Variants in ITCH observed in about 807,000 individuals in gnomAD.
ITCH encodes itchy E3 ubiquitin protein ligase.
ITCH carries 28 observed loss-of-function variants against 126.8 expected under a neutral mutation model. That is an observed-to-expected ratio of 0.22 (90% CI 0.16 to 0.30). The LOEUF is 0.30. Among genes scored for constraint, ITCH ranks in the 10% least tolerant of loss-of-function variants. The pLI is 1.00. For missense variants in ITCH, 631 were observed against 1,032.4 expected (o/e 0.61, Z 5.33); for synonymous variants, 342 against 340.0 (o/e 1.01, Z -0.06).
At chr20:34,385,222 G>GGT (rs1333441970) in intron 2 of ITCH, among the ~76,000 whole-genome samples, 37 of 85,134 alleles carry the variant, frequency 4.3e-4, no homozygotes, top group Middle Eastern at 8.8e-3. Context: ...TGTGTGTGTG[G>GGT]TTTTTTTTTT....
At chr20:34,454,785 A>T (rs547362442) in intron 12 of ITCH, among the ~76,000 whole-genome samples, 3 of 151,428 alleles carry the variant, frequency 2.0e-5, no homozygotes, top group Non-Finnish European at 4.4e-5. Flanking sequence ...TAATTTGAAA[A>T]ATAGTTACCA....
At chr20:34,396,147 C>T (rs559936236) in intron 3 of ITCH, among the ~76,000 whole-genome samples, 1 of 151,696 alleles carries the variant, frequency 6.6e-6, no homozygotes, top group African/African-American at 2.4e-5. Context: ...GATTCTCATG[C>T]CTCAGTCTTC....
intron 15 of ITCH, among the ~76,000 whole-genome samples, chr20:34,470,549 A>G (rs1436822992): frequency 2.6e-5 from 4 of 152,108 alleles, no homozygotes; most frequent in Non-Finnish European, 4.4e-5. Flanking sequence ...TTCAAATGTA[A>G]GTAAAAGCAT....
intron 7 of ITCH, 118 bp downstream of exon 7, chr20:34,424,643 G>C: frequency 1.2e-6 from 1 of 865,656 alleles, no homozygotes. Flanking sequence ...AAAGAATTCA[G>C]AACTCAAGAA....
intron 2 of ITCH, among the ~76,000 whole-genome samples, chr20:34,386,161 C>A (rs1044043291): frequency 6.6e-6 from 1 of 151,170 alleles, no homozygotes; most frequent in Admixed American, 6.6e-5. Flanking sequence ...GGCTGTAGTG[C>A]AGTGGTGTGA....
At chr20:34,504,668 G>C (rs1434146664) in intron 24 of ITCH, among the ~76,000 whole-genome samples, 1 of 152,058 alleles carries the variant, frequency 6.6e-6, no homozygotes, top group Non-Finnish European at 1.5e-5. Flanking sequence ...GCAAAAGAAA[G>C]TTAGGAGACC....
intron 3 of ITCH, among the ~76,000 whole-genome samples, chr20:34,395,256 G>A (rs2038635083): frequency 6.6e-6 from 1 of 151,198 alleles, no homozygotes. Context: ...AAAGACTTCA[G>A]TTTTTATATT....
chr20:34,414,192 T>C (rs1049843672), intron 6 of ITCH, among the ~76,000 whole-genome samples: 2 of 151,642 alleles, frequency 1.3e-5, no homozygotes, highest in Non-Finnish European at 2.9e-5. Context: ...AAAATAGACA[T>C]TGATCACTTT....
At chr20:34,477,603 C>T (rs553979237) in intron 16 of ITCH, among the ~76,000 whole-genome samples, 169 bp from the exon 17 acceptor site, 5 of 152,098 alleles carry the variant, frequency 3.3e-5, no homozygotes, top group Admixed American at 6.5e-5. Flanking sequence ...TATTATTAAA[C>T]GTTACTATAA....
intron 18 of ITCH, 28 bp downstream of exon 18, chr20:34,479,817 C>G: frequency 6.2e-7 from 1 of 1,603,716 alleles, no homozygotes; most frequent in Non-Finnish European, 8.5e-7. Flanking sequence ...ATTATGTTTA[C>G]TTTGCTTATT....
intron 16 of ITCH, among the ~76,000 whole-genome samples, chr20:34,473,937 C>T (rs1489918793): frequency 1.3e-5 from 2 of 152,156 alleles, no homozygotes; most frequent in African/African-American, 4.8e-5. Context: ...AGTGGTATGG[C>T]CCTAAACAAG....
At chr20:34,471,714 G>GTT (rs1987648147) in intron 16 of ITCH, among the ~76,000 whole-genome samples, 199 bp downstream of exon 16, 1 of 138,404 alleles carries the variant, frequency 7.2e-6, no homozygotes, top group African/African-American at 2.7e-5. Context: ...GTGTGTGTGT[G>GTT]TTTCAGGTTT....
intron 3 of ITCH, among the ~76,000 whole-genome samples, chr20:34,408,079 C>A (rs1978391176): frequency 6.6e-6 from 1 of 152,174 alleles, no homozygotes; most frequent in Non-Finnish European, 1.5e-5. Context: ...GTGCAAGCCA[C>A]CCTGCCCAGC....
intron 6 of ITCH, chr20:34,417,379 T>A (rs1568917778): frequency 3.9e-6 from 1 of 256,088 alleles, no homozygotes; most frequent in African/African-American, 2.4e-5. Context: ...ATTACAGGCG[T>A]GAGCCACTGC....
In ITCH at chr20:34,499,273, T is replaced by A. The variant is rs1285547033; in HGVS notation, c.2417-5058T>A. 5.2e-5 allele frequency among the ~76,000 whole-genome samples: 3 copies of A among 57,478 alleles called. No homozygotes were observed. In the South Asian group the frequency reaches 2.0e-3, roughly 39 times the overall value. 37.7% of individuals were successfully genotyped at this position (57,478 alleles called of 152,430 possible). On this transcript the variant is annotated intron_variant, in intron 23 of 24. Coordinates refer to ENST00000374864, the MANE Select transcript of ITCH (RefSeq NM_031483.7). Reference sequence around the variant, plus strand: ...ACAGGCGTGAGCCACTGTGCCCAGCTTTTTTTTTTTTTTTTTTTTTTTTTT... The same window carrying A: ...ACAGGCGTGAGCCACTGTGCCCAGCATTTTTTTTTTTTTTTTTTTTTTTTT...
intron 2 of ITCH, 64 bp from the exon 3 acceptor site, chr20:34,393,727 A>G (rs2038567543): frequency 2.2e-6 from 2 of 929,752 alleles, no homozygotes; most frequent in Non-Finnish European, 3.6e-6. Context: ...CCAGGTTAGC[A>G]CTATTTATAT....
intron 7 of ITCH, among the ~76,000 whole-genome samples, chr20:34,436,602 T>C (rs546716705): frequency 2.0e-4 from 30 of 152,350 alleles, no homozygotes; most frequent in African/African-American, 6.5e-4. Context: ...CCCTCTATTA[T>C]AAGCATTTGG....
chr20:34,428,467 T>G lies in ITCH; in HGVS notation c.521+3942T>G, dbSNP rs76812103. Among the ~76,000 whole-genome samples the G allele has an allele frequency of 5.5e-4, 84 of 152,378 alleles. No individual in the cohort carries two copies. In the East Asian group the frequency reaches 0.015, roughly 28 times the overall value. ...TTCCCCACAGCATGTCTGGATGTTTTATGTTTCTCAGTGTTGTCTTCTGTT... is the reference window on the plus strand; with the variant it reads ...TTCCCCACAGCATGTCTGGATGTTTGATGTTTCTCAGTGTTGTCTTCTGTT... On this transcript the variant is annotated intron_variant, in intron 7 of 24. Transcript: ENST00000374864.
chr20:34,471,534 A>C lies in ITCH; in HGVS notation c.1569+19A>C. The C allele has an allele frequency of 1.4e-6, 2 of 1,480,538 alleles. No homozygotes were observed. The highest frequency in any genetic ancestry group is 1.1e-5 in the South Asian group (1 of 88,338). 91.7% of individuals were successfully genotyped at this position (1,480,538 alleles called of 1,614,324 possible). A position where few individuals can be genotyped will look rare whatever the true frequency, so the allele number is the denominator to read the frequency against. ...TCAACAGGTACTGTTTCATTCTCTCAATAATTTCCCCCCTGGCTGCTAGCT... is the reference window on the plus strand; with the variant it reads ...TCAACAGGTACTGTTTCATTCTCTCCATAATTTCCCCCCTGGCTGCTAGCT... On this transcript the variant is annotated intron_variant, in intron 16 of 24. Transcript: ENST00000374864.
Sources: allele counts gnomAD v4.1 joint callset (sites outside exome capture counted in the v4.1 genomes callset), GRCh38; gene constraint gnomAD v4.1.1; transcripts MANE v1.5; gene names NCBI Gene and HGNC (gene_info 2026-07-23, HGNC 2026-07-21).